DPP6: variants seen among roughly 807,000 people sequenced by gnomAD.
DPP6 encodes dipeptidyl peptidase like 6.
DPP6 carries 69 observed loss-of-function variants against 122.6 expected under a neutral mutation model. That is an observed-to-expected ratio of 0.56 (90% CI 0.46 to 0.69). The LOEUF (loss-of-function observed/expected upper bound fraction) is 0.69. DPP6 is among the 30% of genes least tolerant of loss of function. The pLI is 0.00. For synonymous variants in DPP6, 418 were observed against 433.1 expected (o/e 0.97, Z 0.43); for missense variants, 928 against 1,116.9 (o/e 0.83, Z 2.41).
intron 1 of DPP6, among the ~76,000 whole-genome samples, chr7:154,433,901 A>G (rs534128740): frequency 7.2e-5 from 11 of 152,308 alleles, no homozygotes; most frequent in African/African-American, 2.6e-4. Flanking sequence ...CTGTTACACA[A>G]TGTCTGAAGT....
chr7:153,941,496 A>G (rs1801694186), intron 1 of DPP6, among the ~76,000 whole-genome samples: 1 of 152,154 alleles, frequency 6.6e-6, no homozygotes, highest in Admixed American at 6.5e-5. Flanking sequence ...ACAGCCATGG[A>G]ATGATTCCCT....
chr7:153,808,649 A>G, the DPP6 span, among the ~76,000 whole-genome samples: 11 of 152,076 alleles, frequency 7.2e-5, no homozygotes, highest in Admixed American at 5.2e-4. Flanking sequence ...CAAGTAAGTA[A>G]GATCATGCAG....
rs1487888983 is a variant in DPP6 at position 154,885,634 on chromosome 7, A to G, written c.2135A>G (p.Asp712Gly). The stretch of plus-strand genomic sequence containing the variant: ...GTCTTCTCTCTGCGCTTTCTCCAGG[A>G]TTACGGTGGCTACCTGAGCACCTAC... ...DRTRVAVFGK[D>G]YGGYLSTYIL... Residue 712 changes from aspartate to glycine, a missense_variant and splice_region_variant, in exon 22 of 26, where the codon GAT (aspartate) becomes GGT (glycine). Transcript: ENST00000377770. 6.4e-7 allele frequency: 1 copy of G among 1,569,054 alleles called. No homozygotes were observed. Among genetic ancestry groups the G allele is most frequent in the South Asian group, 1.2e-5 (1 of 85,000 alleles).
intron 1 of DPP6, among the ~76,000 whole-genome samples, chr7:153,995,960 A>G (rs1024271759): frequency 6.6e-6 from 1 of 152,214 alleles, no homozygotes; most frequent in Non-Finnish European, 1.5e-5. Context: ...GGAAGCGTTG[A>G]CAAAAACGTG....
chr7:154,147,813 G>C (rs1796190982), intron 1 of DPP6, among the ~76,000 whole-genome samples: 1 of 152,088 alleles, frequency 6.6e-6, no homozygotes. Context: ...CAAAGTGCTG[G>C]GATTACAAGT....
At chr7:153,861,631 G>C in the DPP6 span, among the ~76,000 whole-genome samples, 1 of 152,150 alleles carries the variant, frequency 6.6e-6, no homozygotes, top group Non-Finnish European at 1.5e-5. Flanking sequence ...TTTTTGGAAA[G>C]ATATGAGGGA....
intron 1 of DPP6, among the ~76,000 whole-genome samples, chr7:153,966,610 TA>T (rs371185309): frequency 1.5e-5 from 1 of 68,274 alleles, no homozygotes; most frequent in South Asian, 5.9e-4. Flanking sequence ...CCTTTTTTTT[TA>T]AAAAATTATA....
At chr7:153,791,524 C>A in the DPP6 span, among the ~76,000 whole-genome samples, 67 of 146,606 alleles carry the variant, frequency 4.6e-4, no homozygotes, top group Middle Eastern at 3.7e-3. Flanking sequence ...GTGGTTCAAG[C>A]TATTCTCCTG....
At chr7:154,813,906 GT>G (rs1799245374) in intron 16 of DPP6, among the ~76,000 whole-genome samples, 2 of 127,286 alleles carry the variant, frequency 1.6e-5, no homozygotes, top group African/African-American at 6.0e-5. Context: ...TTGAGATGGA[GT>G]TTTGTTCTTG....
At chr7:154,371,345 C>G (rs180944783) in intron 1 of DPP6, among the ~76,000 whole-genome samples, 266 of 115,886 alleles carry the variant, frequency 2.3e-3, no homozygotes, top group African/African-American at 8.5e-3. Context: ...TGCCACTGCA[C>G]TCCAGCCTGG....
intron 1 of DPP6, among the ~76,000 whole-genome samples, chr7:154,145,710 A>G (rs1430170047): frequency 9.5e-6 from 1 of 105,420 alleles, no homozygotes; most frequent in Non-Finnish European, 2.0e-5. Flanking sequence ...TGATCTTCGC[A>G]AGTTCCCACC....
At chr7:153,802,648 C>T in the DPP6 span, among the ~76,000 whole-genome samples, 2 of 152,124 alleles carry the variant, frequency 1.3e-5, no homozygotes, top group African/African-American at 4.8e-5. Flanking sequence ...GATGCTGCTG[C>T]CTCCAATTCC....
chr7:154,101,117 A>G (rs1805698157), intron 1 of DPP6, among the ~76,000 whole-genome samples: 1 of 136,564 alleles, frequency 7.3e-6, no homozygotes, highest in Admixed American at 7.5e-5. Flanking sequence ...ACACTCACCA[A>G]CCTGAATGCC....
intron 1 of DPP6, among the ~76,000 whole-genome samples, chr7:153,966,553 GCTTTTTTTTTTTTTTTT>G (rs1161755907): frequency 0.062 from 3,580 of 57,488 alleles, 336 homozygotes; most frequent in African/African-American, 0.19. Context: ...TCCTGTGTTG[GCTTTTTTTTTTTTTTTT>G]TTTTTTTTTT....
At chr7:154,335,831 G>C (rs1393061416) in intron 1 of DPP6, among the ~76,000 whole-genome samples, 2 of 152,098 alleles carry the variant, frequency 1.3e-5, no homozygotes, top group Non-Finnish European at 2.9e-5. Context: ...GGATGAGTCT[G>C]TGGGGCACTC....
At chr7:154,548,234 G>A (rs1829356219) in intron 4 of DPP6, among the ~76,000 whole-genome samples, 1 of 150,436 alleles carries the variant, frequency 6.6e-6, no homozygotes, top group African/African-American at 2.4e-5. Flanking sequence ...TAATAAATAA[G>A]TACAGTAGAT....
intron 7 of DPP6, among the ~76,000 whole-genome samples, chr7:154,674,171 C>T (rs568798786): frequency 2.0e-5 from 3 of 152,244 alleles, no homozygotes; most frequent in South Asian, 2.1e-4. Flanking sequence ...CCACTCTGCC[C>T]GGCCATCCAT....
chr7:154,382,653 G>A (rs1813730941), intron 1 of DPP6, among the ~76,000 whole-genome samples: 1 of 152,222 alleles, frequency 6.6e-6, no homozygotes, highest in African/African-American at 2.4e-5. Flanking sequence ...GAATGAATGA[G>A]CTCACTAGTT....
chr7:154,247,740 C>T (rs959367737), intron 1 of DPP6, among the ~76,000 whole-genome samples: 1 of 152,112 alleles, frequency 6.6e-6, no homozygotes, highest in Non-Finnish European at 1.5e-5. Flanking sequence ...CTGCAGTCTA[C>T]TGCACTCTTA....
Sources: allele counts gnomAD v4.1 joint callset (sites outside exome capture counted in the v4.1 genomes callset), GRCh38; gene constraint gnomAD v4.1.1; transcripts MANE v1.5; gene names NCBI Gene and HGNC (gene_info 2026-07-23, HGNC 2026-07-21).